PLXNA4: variants seen among roughly 807,000 people sequenced by gnomAD.
PLXNA4 encodes plexin-A4.
In PLXNA4, 44 loss-of-function variants were observed where a neutral mutation model predicts 191.8. The observed-to-expected ratio is 0.23, with a 90% CI of 0.18 to 0.29. The LOEUF is 0.29. Among genes scored for constraint, PLXNA4 ranks in the 10% least tolerant of loss-of-function variants. The pLI is 1.00. For synonymous variants in PLXNA4, 1,082 were observed against 1,009.5 expected, an observed-to-expected ratio of 1.07 and a Z score of -1.36; for missense variants, 1,800 against 2,488.8, an observed-to-expected ratio of 0.72 and a Z score of 5.89.
At chr7:132,293,016 T>A (rs1252811295) in intron 4 of PLXNA4, among the ~76,000 whole-genome samples, 1 of 152,150 alleles carries the variant, frequency 6.6e-6, no homozygotes, top group Non-Finnish European at 1.5e-5. Flanking sequence ...GCCTGTTTGC[T>A]GGTACACGGA....
intron 3 of PLXNA4, among the ~76,000 whole-genome samples, chr7:132,337,807 G>A (rs1264805768): frequency 1.3e-5 from 2 of 152,192 alleles, no homozygotes; most frequent in Non-Finnish European, 2.9e-5. Flanking sequence ...AATGTGCCTT[G>A]CTCACTCAAG....
chr7:132,536,385 G>C (rs373992807), intron 1 of PLXNA4, among the ~76,000 whole-genome samples: 6 of 152,276 alleles, frequency 3.9e-5, no homozygotes, highest in African/African-American at 1.4e-4. Flanking sequence ...AGAGGACAAA[G>C]ACTAAATTCC....
At chr7:132,529,777 T>C (rs887041051) in intron 1 of PLXNA4, among the ~76,000 whole-genome samples, 2 of 152,100 alleles carry the variant, frequency 1.3e-5, no homozygotes, top group Non-Finnish European at 2.9e-5. Context: ...GGCTAATTTT[T>C]TGTATTTTTA....
chr7:132,166,071 C>G (rs911199176), intron 22 of PLXNA4, among the ~76,000 whole-genome samples: 10 of 152,020 alleles, frequency 6.6e-5, no homozygotes, highest in Non-Finnish European at 1.3e-4. Context: ...GTGGCACGTG[C>G]CTGTAACCCC....
intron 3 of PLXNA4, among the ~76,000 whole-genome samples, chr7:132,387,510 A>C (rs1272643989): frequency 3.3e-5 from 5 of 152,208 alleles, no homozygotes; most frequent in Non-Finnish European, 7.3e-5. Flanking sequence ...GGCAAGAATG[A>C]AGAAGAAAAG....
chr7:132,578,394 T>C (rs1368740544), upstream of PLXNA4, among the ~76,000 whole-genome samples: 1 of 152,204 alleles, frequency 6.6e-6, no homozygotes, highest in African/African-American at 2.4e-5. Flanking sequence ...TGTCCCTTCT[T>C]TAGTTTTCAC....
intron 3 of PLXNA4, among the ~76,000 whole-genome samples, chr7:132,455,968 T>C (rs560035028): frequency 2.6e-5 from 4 of 152,300 alleles, no homozygotes; most frequent in South Asian, 2.1e-4. Context: ...GCTCACAGGA[T>C]GGACGAGAGA....
chr7:132,223,972 C>A (rs1329306537), intron 8 of PLXNA4, among the ~76,000 whole-genome samples: 1 of 152,098 alleles, frequency 6.6e-6, no homozygotes. Flanking sequence ...GTAGACAGAC[C>A]TAAGAGTTGG....
chr7:132,244,086 A>C (rs1367272028), intron 4 of PLXNA4, among the ~76,000 whole-genome samples: 2 of 152,164 alleles, frequency 1.3e-5, no homozygotes. Flanking sequence ...AGGTGGGTCC[A>C]TGTGAGACAG....
At chr7:132,139,612 G>A (rs1471148957) in intron 30 of PLXNA4, among the ~76,000 whole-genome samples, 1 of 152,220 alleles carries the variant, frequency 6.6e-6, no homozygotes, top group African/African-American at 2.4e-5. Flanking sequence ...CGCACTTGGT[G>A]TGGGGCTACC....
At chr7:132,455,390 T>C (rs894787660) in intron 3 of PLXNA4, among the ~76,000 whole-genome samples, 1 of 151,500 alleles carries the variant, frequency 6.6e-6, no homozygotes, top group African/African-American at 2.4e-5. Context: ...AAGCAGAACA[T>C]GAGAAGGAGG....
intron 3 of PLXNA4, among the ~76,000 whole-genome samples, chr7:132,387,166 T>A (rs559854492): frequency 2.4e-4 from 36 of 152,334 alleles, no homozygotes; most frequent in South Asian, 8.3e-4. Context: ...TGCCACTCAA[T>A]GTGTGGTTCA....
intron 3 of PLXNA4, among the ~76,000 whole-genome samples, chr7:132,413,711 CT>C (rs930187310): frequency 6.6e-6 from 1 of 152,200 alleles, no homozygotes; most frequent in Non-Finnish European, 1.5e-5. Flanking sequence ...TTTTAAAACT[CT>C]TCCAGTTTGG....
chr7:132,405,137 G>C (rs1401334506), intron 3 of PLXNA4, among the ~76,000 whole-genome samples: 2 of 152,048 alleles, frequency 1.3e-5, no homozygotes, highest in African/African-American at 4.8e-5. Context: ...TCTTCTGAGG[G>C]ATGTATGTTT....
intron 3 of PLXNA4, among the ~76,000 whole-genome samples, chr7:132,329,135 T>C (rs1203586682): frequency 2.6e-5 from 4 of 152,202 alleles, no homozygotes; most frequent in African/African-American, 9.7e-5. Flanking sequence ...GATGCACCCC[T>C]AAGTTTGGGA....
intron 3 of PLXNA4, among the ~76,000 whole-genome samples, chr7:132,432,766 C>T (rs888624397): frequency 6.6e-6 from 1 of 152,230 alleles, no homozygotes; most frequent in Non-Finnish European, 1.5e-5. Flanking sequence ...ATTTTTACAA[C>T]ATCCCTCTAA....
chr7:132,448,970 T>C (rs1041234190), intron 3 of PLXNA4, among the ~76,000 whole-genome samples: 2 of 152,254 alleles, frequency 1.3e-5, no homozygotes, highest in Admixed American at 6.5e-5. Flanking sequence ...AAGATATTAA[T>C]GTTACAACAG....
intron 10 of PLXNA4, 56 bp downstream of exon 10, chr7:132,210,887 G>A: frequency 6.4e-7 from 1 of 1,568,464 alleles, no homozygotes; most frequent in Non-Finnish European, 8.7e-7. Context: ...GAAGACAACA[G>A]TGATGTGGGT....
intron 25 of PLXNA4, among the ~76,000 whole-genome samples, chr7:132,149,406 C>T (rs565787180): frequency 1.3e-5 from 2 of 152,312 alleles, no homozygotes; most frequent in East Asian, 3.9e-4. Flanking sequence ...ACCAAATCCC[C>T]ACCACCATAC....
Sources: gnomAD v4.1 joint callset for allele counts (sites outside exome capture counted in the v4.1 genomes callset) on GRCh38, gnomAD v4.1.1 for gene constraint, MANE v1.5 for transcripts, NCBI Gene and HGNC (gene_info 2026-07-23, HGNC 2026-07-21) for gene names.